The following CEP112 variants were observed in gnomAD, a reference collection of about 807,000 sequenced individuals.
The protein encoded by CEP112 is centrosomal protein of 112 kDa.
A neutral mutation model predicts 153.0 loss-of-function variants in CEP112; 127 were observed. The ratio of observed to expected loss-of-function variants is 0.83; its 90% confidence interval spans 0.72 to 0.96. The LOEUF is 0.96. CEP112 is among the 40% of genes least tolerant of loss of function. CEP112 has a pLI of 0.00. For synonymous variants in CEP112, 358 were observed against 374.4 expected (o/e 0.96, Z 0.51); for missense variants, 1,089 against 1,101.2 (o/e 0.99, Z 0.16).
chr17:65,852,343 C>CTCCTT (rs2057979199), intron 20 of CEP112, among the ~76,000 whole-genome samples: 1 of 79,996 alleles, frequency 1.3e-5, no homozygotes, highest in Non-Finnish European at 2.6e-5. Context: ...CCCTCCCTCC[C>CTCCTT]TCCTTCCCTT....
At chr17:66,047,374 C>T (rs1399195634) in intron 12 of CEP112, among the ~76,000 whole-genome samples, 2 of 152,214 alleles carry the variant, frequency 1.3e-5, no homozygotes, top group Non-Finnish European at 2.9e-5. Context: ...ACCTTGGCTT[C>T]CCAAAGTGCT....
At chr17:65,973,658 C>T (rs1050633710) in intron 17 of CEP112, among the ~76,000 whole-genome samples, 1 of 152,072 alleles carries the variant, frequency 6.6e-6, no homozygotes, top group African/African-American at 2.4e-5. Context: ...TGTCTGCTTC[C>T]ATTTATCTAA....
intron 12 of CEP112, among the ~76,000 whole-genome samples, chr17:66,047,509 G>T (rs562400486): frequency 6.6e-6 from 1 of 152,142 alleles, no homozygotes; most frequent in East Asian, 1.9e-4. Context: ...TTATTATGTA[G>T]ATATTAATTT....
At chr17:65,869,637 T>C (rs563330723) in intron 20 of CEP112, among the ~76,000 whole-genome samples, 2 of 148,836 alleles carry the variant, frequency 1.3e-5, no homozygotes, top group Non-Finnish European at 3.0e-5. Context: ...TGGAGTGCAG[T>C]GGTGTGATCT....
At chr17:66,029,524 G>A (rs575936045) in intron 13 of CEP112, among the ~76,000 whole-genome samples, 35 of 151,846 alleles carry the variant, frequency 2.3e-4, no homozygotes, top group African/African-American at 5.6e-4. Flanking sequence ...GAGTGAGACC[G>A]TGTCTCTACA....
chr17:65,973,835 G>A (rs1410635711), intron 17 of CEP112, among the ~76,000 whole-genome samples: 1 of 152,146 alleles, frequency 6.6e-6, no homozygotes, highest in African/African-American at 2.4e-5. Flanking sequence ...GTAGTTTCAT[G>A]AGTATGTACA....
At chr17:65,953,774 C>T (rs1024257353) in intron 18 of CEP112, among the ~76,000 whole-genome samples, 3 of 152,186 alleles carry the variant, frequency 2.0e-5, no homozygotes, top group African/African-American at 7.2e-5. Flanking sequence ...GGGAACCACA[C>T]TCCCATCCCC....
At chr17:65,856,188 G>A (rs2058115096) in intron 20 of CEP112, among the ~76,000 whole-genome samples, 1 of 151,980 alleles carries the variant, frequency 6.6e-6, no homozygotes, top group African/African-American at 2.4e-5. Flanking sequence ...GAAAATGATA[G>A]GAAAAAGAGC....
chr17:66,037,400 C>G (rs1390591916), intron 12 of CEP112, among the ~76,000 whole-genome samples: 1 of 152,160 alleles, frequency 6.6e-6, no homozygotes, highest in Non-Finnish European at 1.5e-5. Context: ...CCTCTCTCCT[C>G]TGGCTCTCCC....
intron 21 of CEP112, among the ~76,000 whole-genome samples, chr17:65,838,559 A>G (rs140612273): frequency 6.6e-6 from 1 of 152,164 alleles, no homozygotes; most frequent in Non-Finnish European, 1.5e-5. Flanking sequence ...GCAGAAAGCC[A>G]TCAAATAAAC....
rs534908472 is a variant in CEP112 at position 65,937,060 on chromosome 17, C to T, written c.1873-9371G>A. Among the ~76,000 whole-genome samples the T allele has an allele frequency of 2.7e-3, 397 of 149,286 alleles. 4 individuals carry two copies. The highest frequency in any genetic ancestry group is 8.8e-3 in the African/African-American group (357 of 40,684). On this transcript the variant is annotated intron_variant, in intron 18 of 26. Transcript: ENST00000535342. Reference sequence around the variant, plus strand: ...CTCCAGCTCCTCACCGCGAGTGATCCGCCAGCCTCGGCCTCCCGAGGTGCC... The same window carrying T: ...CTCCAGCTCCTCACCGCGAGTGATCTGCCAGCCTCGGCCTCCCGAGGTGCC...
At chr17:66,142,062 T>C (rs1437373476) in intron 4 of CEP112, among the ~76,000 whole-genome samples, 1 of 152,204 alleles carries the variant, frequency 6.6e-6, no homozygotes, top group African/African-American at 2.4e-5. Context: ...GTCTTTTTGA[T>C]AATAGTCATT....
chr17:65,909,732 A>C (rs1184255436), intron 19 of CEP112, among the ~76,000 whole-genome samples: 6 of 152,222 alleles, frequency 3.9e-5, no homozygotes, highest in Admixed American at 3.9e-4. Flanking sequence ...ACAAGGAAAG[A>C]AGAATAATAA....
intron 24 of CEP112, among the ~76,000 whole-genome samples, chr17:65,660,208 T>TTCCTTCCTTCCTTCCTTCC (rs1567823892): frequency 2.4e-5 from 1 of 41,946 alleles, no homozygotes; most frequent in African/African-American, 1.8e-4. Flanking sequence ...TCCTTCCTTC[T>TTCCTTCCTTCCTTCCTTCC]TTCCTTCCCT....
intron 4 of CEP112, among the ~76,000 whole-genome samples, chr17:66,164,051 C>T (rs2071827125): frequency 1.3e-5 from 2 of 152,146 alleles, no homozygotes; most frequent in South Asian, 4.1e-4. Context: ...GCCACTTGGC[C>T]TCATCTTAGT....
chr17:66,131,210 T>A (rs557424875), intron 5 of CEP112, among the ~76,000 whole-genome samples: 1 of 152,334 alleles, frequency 6.6e-6, no homozygotes, highest in Non-Finnish European at 1.5e-5. Context: ...CATTATTATT[T>A]ATAATACTAT....
At chr17:65,953,757 C>G (rs2061914482) in intron 18 of CEP112, among the ~76,000 whole-genome samples, 1 of 152,122 alleles carries the variant, frequency 6.6e-6, no homozygotes, top group South Asian at 2.1e-4. Context: ...TATAACTCCA[C>G]TCGACTGGGA....
intron 17 of CEP112, among the ~76,000 whole-genome samples, chr17:65,962,426 C>T (rs895912110): frequency 6.6e-6 from 1 of 152,164 alleles, no homozygotes; most frequent in African/African-American, 2.4e-5. Flanking sequence ...CATCTCATTT[C>T]TTCATACCTT....
At chr17:65,860,170 C>T (rs1478165473) in intron 20 of CEP112, among the ~76,000 whole-genome samples, 1 of 151,928 alleles carries the variant, frequency 6.6e-6, no homozygotes, top group African/African-American at 2.4e-5. Flanking sequence ...AGTTTTTATA[C>T]ATCAGCAAAA....
Sources: gnomAD v4.1 joint callset for allele counts (sites outside exome capture counted in the v4.1 genomes callset) on GRCh38, gnomAD v4.1.1 for gene constraint, MANE v1.5 for transcripts, NCBI Gene and HGNC (gene_info 2026-07-23, HGNC 2026-07-21) for gene names.